Variants in CFAP299 observed in about 807,000 individuals in gnomAD.
The protein encoded by CFAP299 is cilia- and flagella-associated protein 299.
A neutral mutation model predicts 27.0 loss-of-function variants in CFAP299; 21 were observed. The observed-to-expected ratio is 0.78, with a 90% CI of 0.55 to 1.12. The LOEUF is 1.12. CFAP299 is among the 50% of genes most tolerant of loss of function. CFAP299 has a pLI of 0.00. For synonymous variants in CFAP299, 104 were observed against 98.1 expected (o/e 1.06, Z -0.36); for missense variants, 310 against 276.6 (o/e 1.12, Z -0.86).
chr4:80,804,635 T>C (rs1260138523), intron 3 of CFAP299, among the ~76,000 whole-genome samples: 1 of 152,172 alleles, frequency 6.6e-6, no homozygotes, highest in African/African-American at 2.4e-5. Flanking sequence ...GTAATAACTT[T>C]ATCTCTTATA....
chr4:80,502,615 C>T (rs187386134), intron 2 of CFAP299, among the ~76,000 whole-genome samples: 5 of 152,216 alleles, frequency 3.3e-5, no homozygotes, highest in East Asian at 1.9e-4. Flanking sequence ...ATTATCACAG[C>T]TCCTGCCTAC....
intron 3 of CFAP299, among the ~76,000 whole-genome samples, chr4:80,776,866 C>A (rs1262702941): frequency 1.3e-5 from 2 of 150,810 alleles, no homozygotes; most frequent in African/African-American, 2.4e-5. Context: ...ATTTCTACCT[C>A]TCTAACCTAA....
At position 80,677,655 on chromosome 4, in the gene CFAP299, C is replaced by G. The variant is rs570828049; in HGVS notation, c.333+94472C>G. On this transcript the variant is annotated intron_variant, in intron 3 of 5. Transcript: ENST00000358105. ...CATTGACGGAAAAAATAAAACAAAT[C>G]TATATTTTTTCATAAATATCTAGTG... Among the ~76,000 whole-genome samples, 85 of 152,052 alleles carry G rather than the reference C, an allele frequency of 5.6e-4. 1 individual carries two copies. The highest frequency in any genetic ancestry group is 1.9e-3 in the African/African-American group (78 of 41,526).
chr4:80,608,102 TAC>T (rs1169520879), intron 3 of CFAP299, among the ~76,000 whole-genome samples: 1 of 152,152 alleles, frequency 6.6e-6, no homozygotes, highest in Non-Finnish European at 1.5e-5. Flanking sequence ...TGTGTATATA[TAC>T]ACACATACTT....
At chr4:80,819,187 C>A (rs1729571593) in intron 3 of CFAP299, among the ~76,000 whole-genome samples, 1 of 151,940 alleles carries the variant, frequency 6.6e-6, no homozygotes, top group Non-Finnish European at 1.5e-5. Context: ...CAGCTTCAAG[C>A]AGAGACAATA....
At chr4:80,779,021 G>A (rs1391474600) in intron 3 of CFAP299, among the ~76,000 whole-genome samples, 1 of 151,962 alleles carries the variant, frequency 6.6e-6, no homozygotes, top group Non-Finnish European at 1.5e-5. Context: ...ATACCCAACA[G>A]TTTTCTAAGC....
intron 2 of CFAP299, among the ~76,000 whole-genome samples, chr4:80,523,462 A>C (rs371986151): frequency 1.3e-5 from 2 of 152,144 alleles, no homozygotes; most frequent in African/African-American, 2.4e-5. Flanking sequence ...TTATATATCA[A>C]CTTGATTGGG....
At chr4:80,405,650 CTAATA>C (rs1268217116) in intron 2 of CFAP299, among the ~76,000 whole-genome samples, 1 of 151,760 alleles carries the variant, frequency 6.6e-6, no homozygotes, top group Non-Finnish European at 1.5e-5. Flanking sequence ...AGTATATATA[CTAATA>C]TATTGTTTGG....
chr4:80,597,371 G>A (rs1416564215), intron 3 of CFAP299, among the ~76,000 whole-genome samples: 1 of 152,080 alleles, frequency 6.6e-6, no homozygotes, highest in African/African-American at 2.4e-5. Context: ...TTTCTGAAAA[G>A]CGTCTATTCA....
intron 4 of CFAP299, among the ~76,000 whole-genome samples, chr4:80,931,452 A>T (rs62302224): frequency 6.6e-6 from 1 of 151,948 alleles, no homozygotes; most frequent in African/African-American, 2.4e-5. Flanking sequence ...CAAAATTGAC[A>T]TGAACGATGT....
At position 80,785,090 on chromosome 4, in the gene CFAP299, T is replaced by C. The variant is rs528055152; in HGVS notation, c.334-84903T>C. 2.6e-5 allele frequency among the ~76,000 whole-genome samples: 4 copies of C among 151,988 alleles called. No homozygotes were observed. The East Asian group carries it at 7.7e-4, about 29-fold the overall frequency. ...TATAACCTGAGCTTTTATTGTGTGA[T>C]ATTCAAAAAAATCATTGCCAAGGTC... On this transcript the variant is annotated intron_variant, in intron 3 of 5. Transcript: ENST00000358105.
chr4:80,747,639 A>G (rs1397713420), intron 3 of CFAP299, among the ~76,000 whole-genome samples: 1 of 152,032 alleles, frequency 6.6e-6, no homozygotes, highest in Non-Finnish European at 1.5e-5. Context: ...AGTACTCCAC[A>G]CACTTGACTA....
chr4:80,847,897 G>A (rs939892200), intron 3 of CFAP299, among the ~76,000 whole-genome samples: 1 of 152,040 alleles, frequency 6.6e-6, no homozygotes, highest in Non-Finnish European at 1.5e-5. Context: ...TGTGAATCAG[G>A]ACAGGAAACA....
intron 2 of CFAP299, among the ~76,000 whole-genome samples, chr4:80,419,616 C>T (rs762267850): frequency 1.2e-4 from 18 of 152,074 alleles, no homozygotes; most frequent in East Asian, 3.9e-4. Flanking sequence ...TTACAGAGAC[C>T]GTTAACAATC....
chr4:80,781,115 C>T (rs1443776809), intron 3 of CFAP299, among the ~76,000 whole-genome samples: 1 of 151,850 alleles, frequency 6.6e-6, no homozygotes, highest in Non-Finnish European at 1.5e-5. Flanking sequence ...ATTCAGTTGC[C>T]TTCTATCCAA....
intron 3 of CFAP299, among the ~76,000 whole-genome samples, chr4:80,590,214 C>T (rs982630668): frequency 5.3e-5 from 8 of 152,122 alleles, no homozygotes; most frequent in East Asian, 1.9e-4. Flanking sequence ...AATGACACTC[C>T]GTCACTGATG....
chr4:80,937,236 C>T (rs1368135561), intron 4 of CFAP299, among the ~76,000 whole-genome samples: 1 of 147,776 alleles, frequency 6.8e-6, no homozygotes, highest in Non-Finnish European at 1.5e-5. Context: ...TCTATTTTGT[C>T]TAAGAATAAC....
chr4:80,385,896 C>T (rs1469767837), intron 2 of CFAP299, among the ~76,000 whole-genome samples: 5 of 152,212 alleles, frequency 3.3e-5, no homozygotes, highest in Non-Finnish European at 7.3e-5. Flanking sequence ...ACCAGCGGGA[C>T]GCTGGGCTGC....
intron 2 of CFAP299, among the ~76,000 whole-genome samples, chr4:80,565,709 C>T (rs1436871908): frequency 6.6e-6 from 1 of 151,840 alleles, no homozygotes; most frequent in Non-Finnish European, 1.5e-5. Flanking sequence ...GTAATTTTGC[C>T]ATACATCCAT....
Sources: allele counts gnomAD v4.1 joint callset (sites outside exome capture counted in the v4.1 genomes callset), GRCh38; gene constraint gnomAD v4.1.1; transcripts MANE v1.5; gene names NCBI Gene and HGNC (gene_info 2026-07-23, HGNC 2026-07-21).